MAP2K1: variants seen among roughly 807,000 people sequenced by gnomAD.
MAP2K1 encodes dual specificity mitogen-activated protein kinase kinase 1.
A neutral mutation model predicts 46.3 loss-of-function variants in MAP2K1; 16 were observed. That is an observed-to-expected ratio of 0.35 (90% confidence interval 0.23 to 0.52). The LOEUF is 0.52. MAP2K1 is among the 20% of genes least tolerant of loss of function. MAP2K1 has a pLI of 0.94. For synonymous variants in MAP2K1, 183 were observed against 185.6 expected (o/e 0.99, Z 0.11); for missense variants, 263 against 497.1 (o/e 0.53, Z 4.48).
chr15:66,437,605 A>G (rs1214140695), intron 3 of MAP2K1, among the ~76,000 whole-genome samples: 2 of 152,132 alleles, frequency 1.3e-5, no homozygotes, highest in East Asian at 3.8e-4. Flanking sequence ...CTCCTACCCC[A>G]TTTTATTCCT....
rs1221512810 is a variant in MAP2K1, at chr15:66,421,008, CAT to C, written c.81-14011_81-14010del. ...ACACATACATACATATATACACGTG[CAT>C]ATATATACTTATAATTTTTATATGT... On this transcript the variant is annotated intron_variant, in intron 1 of 10. Transcript: ENST00000307102. 5.5e-3 allele frequency among the ~76,000 whole-genome samples: 33 copies of C among 6,032 alleles called. 2 individuals are homozygous for C. The highest frequency in any genetic ancestry group is 7.1e-3 in the Admixed American group (2 of 282). 4.0% of individuals were successfully genotyped at this position (6,032 alleles called of 152,430 possible).
At chr15:66,482,094 G>A (rs1892927811) in intron 6 of MAP2K1, among the ~76,000 whole-genome samples, 1 of 152,120 alleles carries the variant, frequency 6.6e-6, no homozygotes, top group African/African-American at 2.4e-5. Context: ...TTGGGGCCTT[G>A]ACTCACTGAA....
chr15:66,387,846 G>A (rs2093345973), intron 1 of MAP2K1, among the ~76,000 whole-genome samples: 2 of 152,220 alleles, frequency 1.3e-5, no homozygotes, highest in Non-Finnish European at 2.9e-5. Flanking sequence ...CCAGCTCAGG[G>A]TATTAAGTGT....
intron 5 of MAP2K1, among the ~76,000 whole-genome samples, chr15:66,447,872 C>T (rs566253669): frequency 3.9e-4 from 59 of 151,598 alleles, no homozygotes; most frequent in African/African-American, 1.3e-3. Flanking sequence ...CAACTCTCAC[C>T]GGGCGTGGTG....
At chr15:66,425,412 T>C (rs1329077861) in intron 1 of MAP2K1, among the ~76,000 whole-genome samples, 1 of 152,214 alleles carries the variant, frequency 6.6e-6, no homozygotes, top group African/African-American at 2.4e-5. Context: ...TCCTTGACGC[T>C]AGCTGCTTGT....
chr15:66,469,693 G>GACACACACACACACACACACACAC (rs56197290), intron 5 of MAP2K1, among the ~76,000 whole-genome samples: 2,225 of 84,812 alleles, frequency 0.026, 116 homozygotes, highest in Middle Eastern at 0.039. Context: ...TCCTTTTAAA[G>GACACACACACACACACACACACAC]ACACACACAC....
At chr15:66,424,791 CTTTTTTTTTTTTT>C (rs58738231) in intron 1 of MAP2K1, among the ~76,000 whole-genome samples, 1 of 82,120 alleles carries the variant, frequency 1.2e-5, no homozygotes, top group Non-Finnish European at 2.3e-5. Context: ...CAATCTCAAT[CTTTTTTTTTTTTT>C]TTTTTTTTTT....
intron 1 of MAP2K1, among the ~76,000 whole-genome samples, chr15:66,400,187 GCTTTT>G (rs887534089): frequency 2.8e-4 from 42 of 152,032 alleles, no homozygotes; most frequent in African/African-American, 8.7e-4. Flanking sequence ...TTTTCTGCTG[GCTTTT>G]CTTTTCTTTT....
chr15:66,397,972 C>T (rs374726721), intron 1 of MAP2K1, among the ~76,000 whole-genome samples: 2 of 152,102 alleles, frequency 1.3e-5, no homozygotes, highest in African/African-American at 2.4e-5. Flanking sequence ...TGTGGTGGCA[C>T]GTGCCTGTGG....
At chr15:66,414,195 C>T (rs990794280) in intron 1 of MAP2K1, among the ~76,000 whole-genome samples, 2 of 149,014 alleles carry the variant, frequency 1.3e-5, no homozygotes, top group African/African-American at 4.9e-5. Context: ...TGCTAACTAC[C>T]CAGAGTCAGG....
chr15:66,452,504 G>A (rs534075662), intron 5 of MAP2K1, among the ~76,000 whole-genome samples: 1 of 152,108 alleles, frequency 6.6e-6, no homozygotes, highest in African/African-American at 2.4e-5. Flanking sequence ...TAATGTATTA[G>A]TTTCTAGGAA....
chr15:66,461,343 G>A (rs1421342891), intron 5 of MAP2K1, among the ~76,000 whole-genome samples: 7 of 151,908 alleles, frequency 4.6e-5, no homozygotes, highest in Non-Finnish European at 7.4e-5. Flanking sequence ...AAATTAGCCG[G>A]GTGTGGTGGT....
intron 1 of MAP2K1, among the ~76,000 whole-genome samples, chr15:66,420,760 T>TATATATAC (rs2093437164): frequency 4.9e-5 from 1 of 20,480 alleles, no homozygotes; most frequent in African/African-American, 1.2e-4. Context: ...TGTGTGTGTG[T>TATATATAC]ATGTGTGTAT....
intron 1 of MAP2K1, among the ~76,000 whole-genome samples, chr15:66,393,119 G>A (rs1210045763): frequency 2.6e-5 from 4 of 151,940 alleles, no homozygotes; most frequent in African/African-American, 9.7e-5. Flanking sequence ...AAGTGGAATT[G>A]CTGGGTCTTA....
rs574442448 is a variant in MAP2K1, at chr15:66,484,201, G to A, written c.694-789G>A. ...TCGCTCTTCTTGCCCAGGCTGGAGT[G>A]CAGTGGTGCGATCTTGGCTCACTGC... On this transcript the variant is annotated intron_variant, in intron 6 of 10. Coordinates refer to ENST00000307102, the MANE Select transcript of MAP2K1 (RefSeq NM_002755.4). Among the ~76,000 whole-genome samples, 5 of 151,284 alleles carry A rather than the reference G, an allele frequency of 3.3e-5. No individual in the cohort carries two copies. The East Asian group carries it at 9.7e-4, about 29-fold the overall frequency.
chr15:66,478,453 T>TACAC (rs1157349190), intron 5 of MAP2K1, among the ~76,000 whole-genome samples: 62 of 127,780 alleles, frequency 4.9e-4, no homozygotes, highest in African/African-American at 1.6e-3. Flanking sequence ...TATATATATA[T>TACAC]ACAGGTATAT....
intron 1 of MAP2K1, among the ~76,000 whole-genome samples, chr15:66,395,151 A>G (rs1017370520): frequency 6.6e-6 from 1 of 152,232 alleles, no homozygotes; most frequent in Non-Finnish European, 1.5e-5. Flanking sequence ...AACCACAGAT[A>G]TCAATAGTAC....
intron 5 of MAP2K1, among the ~76,000 whole-genome samples, chr15:66,464,042 CTT>C (rs1892398366): frequency 6.6e-6 from 1 of 152,250 alleles, no homozygotes; most frequent in South Asian, 2.1e-4. Context: ...CTCAGCTTGA[CTT>C]TTCCCTTTAG....
At chr15:66,481,904 T>C (rs2140668562) in intron 6 of MAP2K1, 25 bp downstream of exon 6, 8 of 1,610,518 alleles carry the variant, frequency 5.0e-6, no homozygotes, top group Non-Finnish European at 6.8e-6. Flanking sequence ...TTCCATTGCT[T>C]GAGCTTCTTG....
Sources: allele counts gnomAD v4.1 joint callset (sites outside exome capture counted in the v4.1 genomes callset), GRCh38; gene constraint gnomAD v4.1.1; transcripts MANE v1.5; gene names NCBI Gene and HGNC (gene_info 2026-07-23, HGNC 2026-07-21).